The following USP42 variants were observed in gnomAD, a reference collection of about 807,000 sequenced individuals.
USP42 encodes the protein ubiquitin specific peptidase 42.
Under a neutral mutation model 113.0 loss-of-function variants are expected in USP42, and 23 were observed. That is an observed-to-expected ratio of 0.20 (90% confidence interval 0.15 to 0.29). The LOEUF (loss-of-function observed/expected upper bound fraction) is 0.29. USP42 is among the 10% of genes least tolerant of loss of function. The pLI is 1.00. For synonymous variants in USP42, 933 were observed against 699.0 expected (o/e 1.33, Z -5.28); for missense variants, 2,174 against 1,779.8 (o/e 1.22, Z -3.99).
the USP42 span, among the ~76,000 whole-genome samples, chr7:6,095,497 G>A: frequency 2.6e-5 from 4 of 151,008 alleles, no homozygotes; most frequent in African/African-American, 4.9e-5. Flanking sequence ...GTGAAACCCC[G>A]TGTCTACTAA....
intron 3 of USP42, among the ~76,000 whole-genome samples, chr7:6,134,981 G>C (rs772338459): frequency 4.6e-5 from 7 of 152,018 alleles, no homozygotes; most frequent in Non-Finnish European, 1.0e-4. Context: ...GTAGAGACAG[G>C]GTTTGACCAT....
intron 2 of USP42, among the ~76,000 whole-genome samples, chr7:6,113,628 T>C (rs1779721446): frequency 6.6e-6 from 1 of 152,000 alleles, no homozygotes; most frequent in African/African-American, 2.4e-5. Flanking sequence ...TTTTTGTTTT[T>C]GTTTTTTTTT....
intron 2 of USP42, among the ~76,000 whole-genome samples, chr7:6,114,574 A>G (rs1022230722): frequency 4.1e-5 from 6 of 144,612 alleles, no homozygotes; most frequent in Non-Finnish European, 8.9e-5. Flanking sequence ...TTCAGTGTTC[A>G]TATTTCTCTG....
chr7:6,115,939 A>G (rs977019741), intron 3 of USP42, among the ~76,000 whole-genome samples: 2 of 152,052 alleles, frequency 1.3e-5, no homozygotes, highest in Admixed American at 1.3e-4. Flanking sequence ...TCTCTACTAA[A>G]AATAAAAATA....
chr7:6,090,979 T>G, the USP42 span, among the ~76,000 whole-genome samples: 250 of 150,848 alleles, frequency 1.7e-3, 16 homozygotes, highest in African/African-American at 5.9e-3. Flanking sequence ...TTCATCACAG[T>G]TACAATCTAA....
chr7:6,116,551 A>T (rs1197004791), intron 3 of USP42: 10 of 197,646 alleles, frequency 5.1e-5, no homozygotes, highest in South Asian at 1.3e-4. Context: ...ACTAGGATTT[A>T]AAAAAAAAAA....
At chr7:6,101,891 C>A (rs1403045409), upstream of USP42, among the ~76,000 whole-genome samples, 3 of 145,178 alleles carry the variant, frequency 2.1e-5, no homozygotes, top group Admixed American at 1.4e-4. Context: ...CCAGCCTGAC[C>A]AACATGGTGA....
the USP42 span, among the ~76,000 whole-genome samples, chr7:6,095,754 C>G: frequency 1.3e-5 from 2 of 150,888 alleles, no homozygotes; most frequent in South Asian, 4.1e-4. Context: ...TCTGGCTTCT[C>G]CTTTACTGGA....
At chr7:6,105,939 C>CA (rs1361181061) in intron 1 of USP42, among the ~76,000 whole-genome samples, 2 of 151,996 alleles carry the variant, frequency 1.3e-5, no homozygotes, top group Non-Finnish European at 2.9e-5. Context: ...ACCCTGACAG[C>CA]AAAACTGTTT....
At chr7:6,092,046 TCTTCTTCTTTC>T in the USP42 span, among the ~76,000 whole-genome samples, 8 of 86,724 alleles carry the variant, frequency 9.2e-5, no homozygotes, top group Admixed American at 1.4e-4. Flanking sequence ...TTCTTCTTCT[TCTTCTTCTTTC>T]TTCTTCTTCT....
upstream of USP42, among the ~76,000 whole-genome samples, chr7:6,100,099 G>A (rs946720665): frequency 3.4e-5 from 5 of 146,818 alleles, no homozygotes; most frequent in South Asian, 4.3e-4. Flanking sequence ...GCGATCTTCC[G>A]GCCTCAGCCT....
At chr7:6,129,581 C>T (rs556038941) in intron 3 of USP42, among the ~76,000 whole-genome samples, 13 of 143,338 alleles carry the variant, frequency 9.1e-5, no homozygotes, top group Admixed American at 5.6e-4. Context: ...AAAAAAAGGA[C>T]GAGGCGCGGT....
chr7:6,147,639 A>G, intron 11 of USP42, 100 bp from the exon 12 acceptor site: 1 of 1,370,942 alleles, frequency 7.3e-7, no homozygotes, highest in Non-Finnish European at 9.8e-7. Context: ...TTTTTTCATC[A>G]GGTTTCCGCC....
chr7:6,150,099 C>T lies in USP42; in HGVS notation c.1903C>T (p.His635Tyr). Reference sequence around the variant, plus strand: ...TGGGATTGGTACGATTGTGAGCTCCCACTCTCCCGGCCAAGATGCCGAAGA... The same window carrying T: ...TGGGATTGGTACGATTGTGAGCTCCTACTCTCCCGGCCAAGATGCCGAAGA... ...ENGIGTIVSS[H>Y]SPGQDAEDEE... The change falls in exon 13 of 18, where the codon CAC becomes TAC. Residue 635 changes from histidine to tyrosine, a missense_variant. By Grantham distance (83) the His-to-Tyr change is moderately conservative (BLOSUM62 2). Coordinates refer to ENST00000306177, the MANE Select transcript of USP42 (RefSeq NM_032172.3). The T allele has an allele frequency of 1.2e-6, 2 of 1,611,206 alleles. No individual in the cohort carries two copies. Among genetic ancestry groups the T allele is most frequent in the Non-Finnish European group, 1.7e-6 (2 of 1,178,636 alleles).
the USP42 span, among the ~76,000 whole-genome samples, chr7:6,090,622 G>C: frequency 1.4e-5 from 2 of 146,772 alleles, no homozygotes; most frequent in African/African-American, 2.5e-5. Flanking sequence ...GACTGAGGCA[G>C]GAGAATTGCT....
chr7:6,150,187 A>G lies in USP42; in HGVS notation c.1991A>G (p.Asp664Gly). The G allele has an allele frequency of 1.2e-6, 2 of 1,613,968 alleles. No individual in the cohort carries two copies. The highest frequency in any genetic ancestry group is 2.2e-5 in the East Asian group (1 of 44,884). Residue 664 changes from aspartate (D) to glycine (G), a missense_variant, in exon 13 of 18, where the codon GAC (aspartate) becomes GGC (glycine). Coordinates refer to ENST00000306177, the MANE Select transcript of USP42 (RefSeq NM_032172.3). ...PMTLNGANSA[D>G]SDSDPKENGL... ...ACCCTAAACGGTGCTAATAGTGCAG[A>G]CAGCGACAGTGACCCGAAAGAAAAC...
intron 3 of USP42, among the ~76,000 whole-genome samples, chr7:6,118,501 G>C (rs1780034687): frequency 6.6e-6 from 1 of 151,492 alleles, no homozygotes; most frequent in Admixed American, 6.6e-5. Context: ...CAGTCTGGGT[G>C]ACAGTAAGAC....
chr7:6,135,284 T>G (rs950741517), intron 3 of USP42, among the ~76,000 whole-genome samples: 1 of 152,228 alleles, frequency 6.6e-6, no homozygotes, highest in Non-Finnish European at 1.5e-5. Context: ...GGGCAAACTT[T>G]TAAACTCTCT....
At chr7:6,132,081 C>T (rs572763983) in intron 3 of USP42, among the ~76,000 whole-genome samples, 1 of 152,258 alleles carries the variant, frequency 6.6e-6, no homozygotes, top group Non-Finnish European at 1.5e-5. Flanking sequence ...TACAGGCGTT[C>T]ACCACCATGC....
Sources: gnomAD v4.1 joint callset for allele counts (sites outside exome capture counted in the v4.1 genomes callset) on GRCh38, gnomAD v4.1.1 for gene constraint, MANE v1.5 for transcripts, NCBI Gene and HGNC (gene_info 2026-07-23, HGNC 2026-07-21) for gene names.